Variants in U2SURP observed in about 807,000 individuals in gnomAD.
U2SURP encodes U2 snRNP-associated SURP motif-containing protein.
Under a neutral mutation model 144.9 loss-of-function variants are expected in U2SURP, and 9 were observed. The observed-to-expected ratio is 0.06, with a 90% CI of 0.04 to 0.11. U2SURP has a LOEUF of 0.11. Among genes scored for constraint, U2SURP ranks in the 10% least tolerant of loss-of-function variants. U2SURP has a pLI of 1.00. For missense variants in U2SURP, 724 were observed against 1,226.7 expected (o/e 0.59, Z 6.12); for synonymous variants, 408 against 396.8 (o/e 1.03, Z -0.33).
intron 24 of U2SURP, among the ~76,000 whole-genome samples, chr3:143,044,595 A>G (rs761896067): frequency 1.3e-5 from 2 of 152,284 alleles, no homozygotes; most frequent in South Asian, 4.1e-4. Context: ...AGGGGATGAA[A>G]TATTCCCAGT....
Position 143,020,002 on chromosome 3 carries a change from A to G in U2SURP, c.604A>G (p.Ser202Gly). The change falls in exon 7 of 28, where the codon AGC becomes GGC. Residue 202 changes from serine to glycine, a missense_variant. Ser to Gly is a moderately conservative substitution (Grantham distance 56). This residue lies in a region of U2SURP where 115 missense variants were observed against 258.1 expected (regional missense o/e 0.45). Coordinates refer to ENST00000473835, the MANE Select transcript of U2SURP (RefSeq NM_001080415.2). Reference sequence around the variant, plus strand: ...AAAAGGAGAGAAAGAAAAGAAAAAAAGCAATTTGGAACTCTTCAAAGAAGA... The same window carrying G: ...AAAAGGAGAGAAAGAAAAGAAAAAAGGCAATTTGGAACTCTTCAAAGAAGA... ...LKKGEKEKKK[S>G]NLELFKEELK... is the part of the protein sequence containing the mutation. 6.6e-7 allele frequency: 1 copy of G among 1,521,874 alleles called. No individual in the cohort carries two copies. Among genetic ancestry groups the G allele is most frequent in the East Asian group, 2.5e-5 (1 of 40,494 alleles). The allele number at this position is 1,521,874 out of a possible 1,614,324, so 94.3% of individuals were successfully genotyped here.
At chr3:143,012,683 T>C (rs1936179943) in intron 3 of U2SURP, among the ~76,000 whole-genome samples, 2 of 152,192 alleles carry the variant, frequency 1.3e-5, no homozygotes, top group Non-Finnish European at 2.9e-5. Context: ...TTACTGGAAA[T>C]GCACAGATCA....
intron 27 of U2SURP, 95 bp from the exon 28 acceptor site, chr3:143,056,217 T>G (rs1174407015): frequency 7.7e-7 from 1 of 1,300,250 alleles, no homozygotes; most frequent in Non-Finnish European, 1.0e-6. Flanking sequence ...TTTTTCACTG[T>G]GCCCTGTTAA....
intron 24 of U2SURP, among the ~76,000 whole-genome samples, chr3:143,047,629 C>T (rs1310444205): frequency 4.3e-5 from 2 of 46,668 alleles, no homozygotes; most frequent in African/African-American, 2.3e-4. Flanking sequence ...AGGGGGCTGA[C>T]CCCCCCTCCC....
At chr3:143,013,157 G>C (rs1365085916) in intron 3 of U2SURP, among the ~76,000 whole-genome samples, 1 of 151,778 alleles carries the variant, frequency 6.6e-6, no homozygotes, top group African/African-American at 2.4e-5. Context: ...TCTCTGTTGG[G>C]TATCTGAATT....
intron 2 of U2SURP, chr3:143,011,809 A>G (rs1359863570): frequency 2.7e-6 from 1 of 365,510 alleles, no homozygotes. Flanking sequence ...AGAAGTACGT[A>G]TAACACTTAT....
At chr3:143,004,573 A>ACCCT (rs1553834287) in intron 1 of U2SURP, among the ~76,000 whole-genome samples, 4 of 48,566 alleles carry the variant, frequency 8.2e-5, no homozygotes, top group African/African-American at 4.6e-4. Flanking sequence ...TGACCTTGTG[A>ACCCT]CCCCCCCCCC....
intron 11 of U2SURP, 92 bp from the exon 12 acceptor site, chr3:143,022,761 G>T: frequency 6.8e-7 from 1 of 1,461,840 alleles, no homozygotes; most frequent in Non-Finnish European, 9.1e-7. Context: ...GAAATGGAGA[G>T]GTTAAAATGA....
chr3:143,022,654 A>G lies in U2SURP; in HGVS notation c.1010A>G (p.Asn337Ser), dbSNP rs768840667. 1.2e-6 allele frequency: 2 copies of G among 1,609,654 alleles called. No individual in the cohort carries two copies. Among genetic ancestry groups the G allele is most frequent in the Non-Finnish European group, 1.7e-6 (2 of 1,178,672 alleles). ...AGAGATGCTGAAAGAGCTTTAAAAA[A>G]TTTGAATGGTAAGAACATTTTTATT... ...NRRDAERALKNLNGKMIMSFE... is the reference protein window; with the variant it reads ...NRRDAERALKSLNGKMIMSFE... The change falls in exon 11 of 28, where the codon AAT becomes AGT. Residue 337 changes from asparagine to serine, a missense_variant. Transcript: ENST00000473835.
Position 143,016,904 on chromosome 3 carries a change from CA to C in U2SURP, c.506del (p.Asn169IlefsTer16). ...IYKPSSRFAD[Q>X]KNPPNQSSNE... is the part of the protein sequence containing the mutation. ...TAAGCCATCTTCAAGATTTGCAGAT[CA>C]AAAAAATCCTCCAAATCAGTCTTCC... On this transcript the variant is annotated frameshift_variant, in exon 6 of 28. Transcript: ENST00000473835. LOFTEE classifies it high-confidence loss of function. The C allele has an allele frequency of 5.0e-6, 8 of 1,594,688 alleles. No homozygotes were observed. Among genetic ancestry groups the C allele is most frequent in the Admixed American group, 1.8e-5 (1 of 56,054 alleles).
chr3:143,010,773 A>G (rs1355255872), intron 1 of U2SURP, 42 bp from the exon 2 acceptor site: 4 of 1,502,944 alleles, frequency 2.7e-6, no homozygotes, highest in Middle Eastern at 1.8e-4. Flanking sequence ...TTGTTAGTAT[A>G]AGACATTTTA....
intron 2 of U2SURP, 37 bp from the exon 3 acceptor site, chr3:143,012,185 T>C (rs1351740351): frequency 6.3e-7 from 1 of 1,599,808 alleles, no homozygotes; most frequent in East Asian, 2.2e-5. Context: ...TATATATGTG[T>C]GGTTTGTTTT....
intron 20 of U2SURP, 102 bp from the exon 21 acceptor site, chr3:143,037,077 G>C (rs1933850642): frequency 1.8e-6 from 2 of 1,083,902 alleles, no homozygotes; most frequent in Admixed American, 4.9e-5. Flanking sequence ...CAGATTGTGG[G>C]TATCCAGTTA....
Position 143,037,205 on chromosome 3 carries a change from C to A in U2SURP, c.2091C>A (p.Ala697=). 1 of 1,612,082 alleles carries A rather than the reference C, an allele frequency of 6.2e-7. No homozygotes were observed. The highest frequency in any genetic ancestry group is 1.7e-5 in the Admixed American group (1 of 59,700). The change falls in exon 21 of 28, where the codon GCC becomes GCA. Residue 697 remains alanine (A), a synonymous_variant. Coordinates refer to ENST00000473835, the MANE Select transcript of U2SURP (RefSeq NM_001080415.2). ...TEDVPDDLDG[A]PIEEELDGAP... ...ATGTTCCAGATGACCTTGATGGTGC[C>A]CCCATCGAGGAAGAGCTTGATGGTG...
rs76006441 is a variant in U2SURP at position 143,046,185 on chromosome 3, C to T, written c.2544+2909C>T. Among the ~76,000 whole-genome samples, 976 of 149,308 alleles carry T rather than the reference C, an allele frequency of 6.5e-3. 9 individuals carry two copies. Among genetic ancestry groups the T allele is most frequent in the African/African-American group, 0.023 (926 of 40,648 alleles). ...TGGAATAAATAAAAACCAAATGATT[C>T]GTGTTATAAAATACTAACATCCTTT... On this transcript the variant is annotated intron_variant, in intron 24 of 27. Transcript: ENST00000473835.
intron 17 of U2SURP, 32 bp from the exon 18 acceptor site, chr3:143,033,238 TA>T (rs1301998275): frequency 2.3e-6 from 3 of 1,285,950 alleles, no homozygotes. Context: ...AGCCTTATAT[TA>T]ACCTATTTTG....
intron 19 of U2SURP, among the ~76,000 whole-genome samples, chr3:143,035,607 T>A (rs1933768595): frequency 6.6e-6 from 1 of 152,154 alleles, no homozygotes; most frequent in African/African-American, 2.4e-5. Context: ...AAGTACTTTA[T>A]TGGACCATAA....
Position 143,001,652 on chromosome 3 carries a change from A to C in U2SURP, c.24A>C (p.Gly8=). 3 of 1,614,016 alleles carry C rather than the reference A, an allele frequency of 1.9e-6. No homozygotes were observed. Among genetic ancestry groups the C allele is most frequent in the Non-Finnish European group, 2.5e-6 (3 of 1,179,888 alleles). The part of the protein sequence containing the change: MADKTPG[G]SQKASSKTRS... ...AGATGGCGGACAAAACGCCAGGCGGATCTCAGAAGGCCAGTTCAAAGGTAA... is the reference window on the plus strand; with the variant it reads ...AGATGGCGGACAAAACGCCAGGCGGCTCTCAGAAGGCCAGTTCAAAGGTAA... The change falls in exon 1 of 28, where the codon GGA becomes GGC. Residue 8 remains glycine, a synonymous_variant. Coordinates refer to ENST00000473835, the MANE Select transcript of U2SURP (RefSeq NM_001080415.2).
At position 143,059,680 on chromosome 3, in the gene U2SURP, G is replaced by A. The variant is rs1008269542; in HGVS notation, c.*3230G>A. On this transcript the variant is annotated 3_prime_UTR_variant, in exon 28 of 28. Transcript: ENST00000473835. ...AGAAAGTTGGTTTTAAAAATAAATA[G>A]TACCACTTTTCTAAGACTGTACAGT... The A allele has an allele frequency of 2.0e-5, 3 of 151,860 alleles. No individual in the cohort carries two copies. The highest frequency in any genetic ancestry group is 2.1e-4 in the South Asian group (1 of 4,812). 9.4% of individuals were successfully genotyped at this position (151,860 alleles called of 1,614,324 possible).
Sources: gnomAD v4.1 joint callset for allele counts (sites outside exome capture counted in the v4.1 genomes callset) on GRCh38, gnomAD v4.1.1 for gene constraint, gnomAD v4.1.1 regional missense constraint, MANE v1.5 for transcripts, NCBI Gene and HGNC (gene_info 2026-07-23, HGNC 2026-07-21) for gene names.